SLCO1B3: variants seen among roughly 807,000 people sequenced by gnomAD.
SLCO1B3 encodes the protein liver-specific organic anion transporter 2.
Under a neutral mutation model 71.8 loss-of-function variants are expected in SLCO1B3, and 72 were observed. The observed-to-expected ratio is 1.00, with a 90% confidence interval of 0.83 to 1.22. The LOEUF (loss-of-function observed/expected upper bound fraction) is 1.22. Ranked by LOEUF, SLCO1B3 falls within the 50% of genes most tolerant of loss-of-function variation. The probability of loss-of-function intolerance (pLI) is 0.00; values close to 1 mark genes in which losing one functional copy is unlikely to be tolerated. For synonymous variants in SLCO1B3, 298 were observed against 278.4 expected (o/e 1.07, Z -0.70); for missense variants, 911 against 819.7 (o/e 1.11, Z -1.36).
intron 8 of SLCO1B3, among the ~76,000 whole-genome samples, chr12:20,867,906 A>G (rs1865404428): frequency 6.6e-6 from 1 of 151,906 alleles, no homozygotes; most frequent in African/African-American, 2.4e-5. Flanking sequence ...TACCTCCTCC[A>G]CTGCCTCTGC....
intron 14 of SLCO1B3, among the ~76,000 whole-genome samples, chr12:20,900,095 G>T (rs985800736): frequency 6.6e-6 from 1 of 152,112 alleles, no homozygotes; most frequent in Non-Finnish European, 1.5e-5. Context: ...GTGGCATAAC[G>T]TGAAGAAAAT....
chr12:20,912,474 G>C lies in SLCO1B3; in HGVS notation c.1866-3530G>C, dbSNP rs956947322. Among the ~76,000 whole-genome samples the C allele has an allele frequency of 3.4e-5, 5 of 146,478 alleles. 1 individual carries two copies. The South Asian group carries it at 8.8e-4, about 26-fold the overall frequency. ...CTTCTGAGTAGCGGGGATTACAGGT[G>C]TGTGCTATCACACCTGGCTAATTTT... is the stretch of plus-strand genomic sequence containing the variant. On this transcript the variant is annotated intron_variant, in intron 15 of 15. Coordinates refer to ENST00000381545, the MANE Select transcript of SLCO1B3 (RefSeq NM_019844.4).
At chr12:20,871,455 T>C (rs1865473490) in intron 8 of SLCO1B3, among the ~76,000 whole-genome samples, 1 of 152,136 alleles carries the variant, frequency 6.6e-6, no homozygotes. Context: ...TCCTGGCTCA[T>C]CTTAGTGCTT....
At chr12:20,903,226 G>A (rs1025896016) in intron 15 of SLCO1B3, among the ~76,000 whole-genome samples, 3 of 152,090 alleles carry the variant, frequency 2.0e-5, no homozygotes, top group Admixed American at 1.3e-4. Flanking sequence ...GTTATTGTAC[G>A]ATTAAGCCAT....
At chr12:20,879,322 A>G in intron 10 of SLCO1B3, 114 bp from the exon 11 acceptor site, 1 of 738,180 alleles carries the variant, frequency 1.4e-6, no homozygotes, top group Non-Finnish European at 2.1e-6. Context: ...CCCTTCTCTT[A>G]AAGAAATAAG....
At chr12:20,836,449 C>A (rs1361664483) in intron 3 of SLCO1B3, among the ~76,000 whole-genome samples, 1 of 151,966 alleles carries the variant, frequency 6.6e-6, no homozygotes, top group Non-Finnish European at 1.5e-5. Flanking sequence ...TGATATTGGT[C>A]TACATTTTTT....
intron 8 of SLCO1B3, among the ~76,000 whole-genome samples, chr12:20,866,475 A>G (rs1865375395): frequency 6.6e-6 from 1 of 152,174 alleles, no homozygotes; most frequent in Admixed American, 6.5e-5. Context: ...TGATTCAAGA[A>G]AAAGTGAAGT....
chr12:20,833,687 TAGAG>T (rs1002780593), intron 3 of SLCO1B3, among the ~76,000 whole-genome samples: 3 of 148,324 alleles, frequency 2.0e-5, no homozygotes, highest in African/African-American at 4.9e-5. Flanking sequence ...CTTTATGGTA[TAGAG>T]AGAGATGATA....
In SLCO1B3 at chr12:20,897,426, TATAAC is replaced by T. The variant is rs936616303; in HGVS notation, c.1683-1006_1683-1002del. The stretch of plus-strand genomic sequence containing the variant: ...GTGCTAGCTCATTGTGTTGGATTCT[TATAAC>T]ATATGAGATAAGCATTATCATGCCC... On this transcript the variant is annotated intron_variant, in intron 13 of 15. Coordinates refer to ENST00000381545, the MANE Select transcript of SLCO1B3 (RefSeq NM_019844.4). Among the ~76,000 whole-genome samples the T allele has an allele frequency of 1.5e-4, 23 of 152,314 alleles. 1 individual carries two copies. In the East Asian group the frequency reaches 3.7e-3, roughly 24 times the overall value.
intron 3 of SLCO1B3, among the ~76,000 whole-genome samples, chr12:20,823,352 A>C (rs1392531466): frequency 6.6e-6 from 1 of 152,198 alleles, no homozygotes; most frequent in East Asian, 1.9e-4. Flanking sequence ...AAAAAATTGA[A>C]AACATTATTT....
intron 14 of SLCO1B3, 69 bp downstream of exon 14, chr12:20,898,569 C>A: frequency 2.0e-5 from 14 of 701,624 alleles, no homozygotes; most frequent in South Asian, 6.4e-5. Flanking sequence ...AGACTGAATG[C>A]AATTAATTTT....
intron 14 of SLCO1B3, 34 bp from the exon 15 acceptor site, chr12:20,901,316 A>G (rs756292882): frequency 8.0e-7 from 1 of 1,252,458 alleles, no homozygotes; most frequent in Non-Finnish European, 1.1e-6. Context: ...GAAGCATTTC[A>G]CTTGGATTGA....
At chr12:20,905,359 A>G (rs1866221894) in intron 15 of SLCO1B3, among the ~76,000 whole-genome samples, 1 of 152,186 alleles carries the variant, frequency 6.6e-6, no homozygotes. Context: ...TACTTATGCA[A>G]ATTTCTACAG....
intron 8 of SLCO1B3, among the ~76,000 whole-genome samples, chr12:20,874,708 A>G (rs548296442): frequency 6.6e-6 from 1 of 152,322 alleles, no homozygotes; most frequent in African/African-American, 2.4e-5. Flanking sequence ...TTCATTTTGC[A>G]TAGTTTTTCA....
At chr12:20,846,074 A>G (rs944023216) in intron 3 of SLCO1B3, among the ~76,000 whole-genome samples, 1 of 152,186 alleles carries the variant, frequency 6.6e-6, no homozygotes, top group East Asian at 1.9e-4. Context: ...TTAAAGCAAC[A>G]ACAGTTACAC....
At chr12:20,853,297 C>G (rs1032159518) in intron 3 of SLCO1B3, among the ~76,000 whole-genome samples, 7 of 151,822 alleles carry the variant, frequency 4.6e-5, no homozygotes, top group African/African-American at 1.5e-4. Flanking sequence ...GAGTTTCTTT[C>G]AAAAGTATTG....
chr12:20,876,446 A>C (rs67217149), intron 9 of SLCO1B3, among the ~76,000 whole-genome samples: 28,088 of 152,128 alleles, frequency 0.18, 2,629 homozygotes, highest in Middle Eastern at 0.29. Flanking sequence ...AAACTTTCCA[A>C]AGTAACCCAT....
At chr12:20,904,249 A>AT (rs1866188083) in intron 15 of SLCO1B3, among the ~76,000 whole-genome samples, 1 of 151,214 alleles carries the variant, frequency 6.6e-6, no homozygotes, top group Non-Finnish European at 1.5e-5. Flanking sequence ...AAAAAAAAAA[A>AT]AAATTAGTTA....
chr12:20,850,349 G>A (rs1242484309), intron 3 of SLCO1B3, among the ~76,000 whole-genome samples: 2 of 150,672 alleles, frequency 1.3e-5, no homozygotes, highest in African/African-American at 2.4e-5. Flanking sequence ...GCGCATTCTC[G>A]GCTCACTGCA....
Sources: allele counts gnomAD v4.1 joint callset (sites outside exome capture counted in the v4.1 genomes callset), GRCh38; gene constraint gnomAD v4.1.1; transcripts MANE v1.5; gene names NCBI Gene and HGNC (gene_info 2026-07-23, HGNC 2026-07-21).